Variants in MYO9A observed in about 807,000 individuals in gnomAD.
MYO9A encodes the protein unconventional myosin-IXa.
Under a neutral mutation model 293.3 loss-of-function variants are expected in MYO9A, and 103 were observed. That is an observed-to-expected ratio of 0.35 (90% CI 0.30 to 0.41). The LOEUF (loss-of-function observed/expected upper bound fraction) is 0.41. Ranked by LOEUF, MYO9A falls within the 10% of genes least tolerant of loss-of-function variation. The pLI is 1.00. For missense variants in MYO9A, 2,685 were observed against 3,033.0 expected (o/e 0.89, Z 2.69); for synonymous variants, 1,001 against 1,035.7 (o/e 0.97, Z 0.64).
In MYO9A at chr15:71,881,363, A is replaced by G. The variant is rs28413902; in HGVS notation, c.5399-805T>C. ...GTGTATGCTCGTTACCCTCTGTCCA[A>G]TGGTATATCCTGATTCTATCCAAAC... On this transcript the variant is annotated intron_variant, in intron 28 of 41. Transcript: ENST00000356056. 5.6e-3 allele frequency among the ~76,000 whole-genome samples: 858 copies of G among 152,090 alleles called. 12 individuals are homozygous for G. The highest frequency in any genetic ancestry group is 0.02 in the African/African-American group (812 of 41,480).
intron 15 of MYO9A, among the ~76,000 whole-genome samples, chr15:71,947,791 A>G (rs1314460412): frequency 2.6e-5 from 4 of 152,178 alleles, no homozygotes; most frequent in Admixed American, 2.0e-4. Context: ...GATGCACATC[A>G]TATTCTCAAT....
intron 5 of MYO9A, 71 bp downstream of exon 5, chr15:72,020,846 GA>G: frequency 2.1e-6 from 2 of 960,360 alleles, no homozygotes; most frequent in Non-Finnish European, 2.9e-6. Context: ...GAAAGTACTA[GA>G]AAAAAGACAT....
At chr15:72,050,160 G>GT (rs71281961) in intron 1 of MYO9A, among the ~76,000 whole-genome samples, 2,191 of 140,850 alleles carry the variant, frequency 0.016, 20 homozygotes, top group East Asian at 0.029. Flanking sequence ...TTTTTGTTTT[G>GT]TTTTTTTTTT....
At chr15:71,966,802 A>T (rs1381364907) in intron 13 of MYO9A, among the ~76,000 whole-genome samples, 1 of 152,214 alleles carries the variant, frequency 6.6e-6, no homozygotes, top group Non-Finnish European at 1.5e-5. Flanking sequence ...CAAGGTAATC[A>T]ATGCAATCTT....
intron 2 of MYO9A, among the ~76,000 whole-genome samples, chr15:72,040,626 C>T (rs1207952593): frequency 1.2e-4 from 19 of 152,206 alleles, no homozygotes; most frequent in Admixed American, 1.2e-3. Flanking sequence ...GACGGAGTCT[C>T]GCTCTGTTGA....
chr15:71,925,091 T>C (rs1468102150), intron 18 of MYO9A, among the ~76,000 whole-genome samples: 5 of 151,842 alleles, frequency 3.3e-5, no homozygotes, highest in African/African-American at 1.2e-4. Context: ...AGTGTTGATG[T>C]CCCCTATAAT....
At chr15:71,833,424 A>G (rs1209560251) in intron 39 of MYO9A, among the ~76,000 whole-genome samples, 1 of 152,172 alleles carries the variant, frequency 6.6e-6, no homozygotes, top group African/African-American at 2.4e-5. Flanking sequence ...CATATTATGA[A>G]GAATAACATT....
intron 6 of MYO9A, among the ~76,000 whole-genome samples, chr15:72,017,198 G>C (rs922437478): frequency 3.3e-5 from 5 of 151,600 alleles, no homozygotes; most frequent in Non-Finnish European, 7.4e-5. Flanking sequence ...AATTTTTGTA[G>C]AGATAGGGTA....
intron 19 of MYO9A, among the ~76,000 whole-genome samples, chr15:71,906,564 G>T (rs530840899): frequency 1.8e-4 from 28 of 151,800 alleles, no homozygotes; most frequent in African/African-American, 6.3e-4. Flanking sequence ...CTTTATCCTT[G>T]GTAATTTTCT....
Position 71,994,463 on chromosome 15 carries a change from C to G in MYO9A, c.1587+6G>C. 1 of 1,502,832 alleles carries G rather than the reference C, an allele frequency of 6.7e-7. No individual in the cohort carries two copies. The highest frequency in any genetic ancestry group is 1.2e-5 in the South Asian group (1 of 81,784). 93.1% of individuals were successfully genotyped at this position (1,502,832 alleles called of 1,614,324 possible). A position where few individuals can be genotyped will look rare whatever the true frequency, so the allele number is the denominator to read the frequency against. On this transcript the variant is annotated splice_donor_region_variant and intron_variant, in intron 10 of 41. Coordinates refer to ENST00000356056, the MANE Select transcript of MYO9A (RefSeq NM_006901.4). Reference sequence around the variant, plus strand: ...AAAAACATATTATAATCCAATATATCATTACCTTGGTATTATGCTCTAAAT... The same window carrying G: ...AAAAACATATTATAATCCAATATATGATTACCTTGGTATTATGCTCTAAAT...
chr15:71,850,402 C>T (rs1156271255), intron 37 of MYO9A, among the ~76,000 whole-genome samples: 2 of 152,096 alleles, frequency 1.3e-5, no homozygotes, highest in Admixed American at 6.5e-5. Context: ...CTAGGTCAGC[C>T]GATAGCTTCC....
Position 72,032,594 on chromosome 15 carries a change from A to G in MYO9A, c.841-6T>C, listed in dbSNP as rs778015445. 7.0e-6 allele frequency: 11 copies of G among 1,578,068 alleles called. No individual in the cohort carries two copies. Among genetic ancestry groups the G allele is most frequent in the Non-Finnish European group, 9.4e-6 (11 of 1,168,686 alleles). On this transcript the variant is annotated splice_polypyrimidine_tract_variant and splice_region_variant and intron_variant, in intron 2 of 41. Coordinates refer to ENST00000356056, the MANE Select transcript of MYO9A (RefSeq NM_006901.4). ...GTCTTTGCATTTCCAAAGGCCTGTC[A>G]AAATAAATAATTCTCATTAGTTTCA...
intron 34 of MYO9A, among the ~76,000 whole-genome samples, chr15:71,858,335 T>C (rs1157147045): frequency 6.6e-6 from 1 of 152,066 alleles, no homozygotes; most frequent in African/African-American, 2.4e-5. Flanking sequence ...CTATTCACAA[T>C]AGCAAAGACT....
chr15:72,027,930 G>T, intron 3 of MYO9A, 137 bp from the exon 4 acceptor site: 2 of 614,348 alleles, frequency 3.3e-6, no homozygotes, highest in Non-Finnish European at 5.6e-6. Context: ...GGGCGAGGTG[G>T]CTCACACCTG....
intron 1 of MYO9A, among the ~76,000 whole-genome samples, chr15:72,107,229 T>C (rs1366295043): frequency 1.3e-5 from 2 of 152,168 alleles, no homozygotes; most frequent in African/African-American, 2.4e-5. Context: ...ACAAGGAGCA[T>C]ACTTAGCACC....
At chr15:71,902,032 C>T (rs2057500433) in intron 22 of MYO9A, among the ~76,000 whole-genome samples, 1 of 152,024 alleles carries the variant, frequency 6.6e-6, no homozygotes, top group East Asian at 1.9e-4. Context: ...GTGAAGGAGA[C>T]ATATCCCTTT....
At chr15:72,026,941 A>G (rs1038727478) in intron 4 of MYO9A, among the ~76,000 whole-genome samples, 1 of 152,226 alleles carries the variant, frequency 6.6e-6, no homozygotes, top group Non-Finnish European at 1.5e-5. Flanking sequence ...AAAGTGTTTC[A>G]ATTAATAATC....
intron 6 of MYO9A, among the ~76,000 whole-genome samples, chr15:72,015,683 GTTTTT>G (rs10708457): frequency 8.8e-6 from 1 of 113,466 alleles, no homozygotes; most frequent in Non-Finnish European, 1.7e-5. Flanking sequence ...CTCAGATCAG[GTTTTT>G]TTTTTTTTTT....
At chr15:72,113,351 G>C (rs147437279) in intron 1 of MYO9A, among the ~76,000 whole-genome samples, 1 of 152,284 alleles carries the variant, frequency 6.6e-6, no homozygotes, top group Non-Finnish European at 1.5e-5. Context: ...AAAGAAAGGG[G>C]AAAGTGGAAA....
Sources: allele counts gnomAD v4.1 joint callset (sites outside exome capture counted in the v4.1 genomes callset), GRCh38; gene constraint gnomAD v4.1.1; transcripts MANE v1.5; gene names NCBI Gene and HGNC (gene_info 2026-07-23, HGNC 2026-07-21).